ITIH4: variants seen among roughly 807,000 people sequenced by gnomAD.
ITIH4 encodes inter-alpha-trypsin inhibitor heavy chain 4, also known as inter-alpha-trypsin inhibitor heavy chain H4.
ITIH4 carries 79 observed loss-of-function variants against 111.8 expected under a neutral mutation model. The ratio of observed to expected loss-of-function variants is 0.71; its 90% confidence interval spans 0.59 to 0.85. The LOEUF is 0.85. Among genes scored for constraint, ITIH4 ranks in the 40% least tolerant of loss-of-function variants. The pLI is 0.00. For synonymous variants in ITIH4, 472 were observed against 468.3 expected, an observed-to-expected ratio of 1.01 and a Z score of -0.10; for missense variants, 1,065 against 1,195.8, an observed-to-expected ratio of 0.89 and a Z score of 1.61.
Position 52,824,706 on chromosome 3 carries a change from G to A in ITIH4, c.876+136C>T. On this transcript the variant is annotated intron_variant, in intron 7 of 23. Transcript: ENST00000266041. This position sits in a 1 kb window ranked among gnomAD's most constrained non-coding sequence, Gnocchi z 4.3. ...GGAACAGGGGCTGCCCTAGGCTCTG[G>A]CCAACCTTGGTTCCTGAGAGCCACC... The A allele has an allele frequency of 7.9e-7, 1 of 1,260,664 alleles. No individual in the cohort carries two copies. The highest frequency in any genetic ancestry group is 1.1e-6 in the Non-Finnish European group (1 of 901,492). The allele number at this position is 1,260,664 out of a possible 1,614,324, so 78.1% of individuals were successfully genotyped here. A position where few individuals can be genotyped will look rare whatever the true frequency, so the allele number is the denominator to read the frequency against.
intron 13 of ITIH4, 114 bp downstream of exon 13, chr3:52,820,517 G>T: frequency 7.6e-7 from 1 of 1,323,610 alleles, no homozygotes; most frequent in South Asian, 1.4e-5. Context: ...ATCTCCCAGG[G>T]GGAGTCTGTT....
At position 52,825,870 on chromosome 3, in the gene ITIH4, C is replaced by T; in HGVS notation, c.759+16G>A. 6.2e-7 allele frequency: 1 copy of T among 1,611,826 alleles called. No homozygotes were observed. The highest frequency in any genetic ancestry group is 8.5e-7 in the Non-Finnish European group (1 of 1,178,936). On this transcript the variant is annotated intron_variant, in intron 6 of 23. Coordinates refer to ENST00000266041, the MANE Select transcript of ITIH4 (RefSeq NM_002218.5). ...AGACTTCTAGGCTGCTCTGCTCTTG[C>T]CTGAAGTCCACCCACCTGAATGGAG...
At position 52,827,202 on chromosome 3, in the gene ITIH4, G is replaced by C. The variant is rs1287540923; in HGVS notation, c.252-5C>G. 8.1e-6 allele frequency: 13 copies of C among 1,610,734 alleles called. No individual in the cohort carries two copies. The highest frequency in any genetic ancestry group is 1.0e-5 in the Non-Finnish European group (12 of 1,177,132). On this transcript the variant is annotated splice_polypyrimidine_tract_variant and splice_region_variant and intron_variant, in intron 2 of 23. Coordinates refer to ENST00000266041, the MANE Select transcript of ITIH4 (RefSeq NM_002218.5). ...TAGGTCATGCCATCGATGATCCTGG[G>C]GGCAGAAGGGTGGGAGTTGTTGAGA... is the stretch of plus-strand genomic sequence containing the variant.
chr3:52,824,900 T>C lies in ITIH4; in HGVS notation c.818A>G (p.Lys273Arg), dbSNP rs1700458703. 1 of 1,614,012 alleles carries C rather than the reference T, an allele frequency of 6.2e-7. No homozygotes were observed. The highest frequency in any genetic ancestry group is 1.7e-5 in the Admixed American group (1 of 59,992). Reference protein sequence around the residue: ...FAPEGLTTMPKNVVFVIDKSG... With the variant: ...FAPEGLTTMPRNVVFVIDKSG... ...CTTGTCAATGACAAAGACCACATTC[T>C]TGGGCATTGTGGTTAGGCCCTCGGG... Residue 273 changes from lysine (K) to arginine (R), a missense_variant, in exon 7 of 24, where the codon AAG becomes AGG. Transcript: ENST00000266041. This position sits in a 1 kb window ranked among gnomAD's most constrained non-coding sequence, Gnocchi z 4.3.
Position 52,816,944 on chromosome 3 carries a change from G to A in ITIH4, c.2411C>T (p.Thr804Ile). Residue 804 changes from threonine (T) to isoleucine (I), a missense_variant, in exon 21 of 24, where the codon ACT (threonine) becomes ATT (isoleucine). By Grantham distance (89) the Thr-to-Ile change is moderately conservative. Coordinates refer to ENST00000266041, the MANE Select transcript of ITIH4 (RefSeq NM_002218.5). Reference sequence around the variant, plus strand: ...GTACGCAGAGCTTCTTCGGTTCCGAGTCACCACCACGTGTTCAGGGGATGC... The same window carrying A: ...GTACGCAGAGCTTCTTCGGTTCCGAATCACCACCACGTGTTCAGGGGATGC... ...VHASPEHVVV[T>I]RNRRSSAYKW... 6.2e-7 allele frequency: 1 copy of A among 1,614,080 alleles called. No individual in the cohort carries two copies. Among genetic ancestry groups the A allele is most frequent in the Non-Finnish European group, 8.5e-7 (1 of 1,179,972 alleles).
rs1486964213 is a variant in ITIH4, at chr3:52,824,779, C to T, written c.876+63G>A. 1 of 1,401,986 alleles carries T rather than the reference C, an allele frequency of 7.1e-7. No individual in the cohort carries two copies. Among genetic ancestry groups the T allele is most frequent in the East Asian group, 2.3e-5 (1 of 43,558 alleles). The allele number at this position is 1,401,986 out of a possible 1,614,324, so 86.8% of individuals were successfully genotyped here. On this transcript the variant is annotated intron_variant, in intron 7 of 23. Coordinates refer to ENST00000266041, the MANE Select transcript of ITIH4 (RefSeq NM_002218.5). The surrounding 1 kb of genome is among the most constrained non-coding windows in gnomAD (Gnocchi z 4.3). ...AAGCAAGGGGGTCTGCCTGCCGGAC[C>T]ACAGCTGATAGCGTGAAGGGCCTGG...
In ITIH4 at chr3:52,829,194, T is replaced by A. The variant is rs374886762; in HGVS notation, c.176A>T (p.Asn59Ile). 2.5e-6 allele frequency: 4 copies of A among 1,613,774 alleles called. No homozygotes were observed. Among genetic ancestry groups the A allele is most frequent in the Non-Finnish European group, 3.4e-6 (4 of 1,179,814 alleles). Residue 59 changes from asparagine (N) to isoleucine (I), a missense_variant, in exon 2 of 24, where the codon AAT becomes ATT. Asn to Ile is a moderately radical substitution (Grantham distance 149, BLOSUM62 -3). Transcript: ENST00000266041. ...AHTVVTSRVV[N>I]RANTVQEATF... ...GGCCTCCTGCACAGTATTGGCCCTATTGACCACTCGGCTGGTGACGACCGT... is the reference window on the plus strand; with the variant it reads ...GGCCTCCTGCACAGTATTGGCCCTAATGACCACTCGGCTGGTGACGACCGT...
intron 20 of ITIH4, among the ~76,000 whole-genome samples, chr3:52,817,297 C>A (rs1700295493): frequency 1.3e-5 from 2 of 152,334 alleles, no homozygotes; most frequent in Admixed American, 1.3e-4. Context: ...CGACGGCCAC[C>A]CTCAGTTGAG....
chr3:52,817,915 C>T, intron 20 of ITIH4, 137 bp downstream of exon 20: 1 of 746,276 alleles, frequency 1.3e-6, no homozygotes, highest in Non-Finnish European at 2.4e-6. Context: ...CCCATGCCAG[C>T]ACTGGGAGGC....
Position 52,826,893 on chromosome 3 carries a change from C to G in ITIH4, c.417G>C (p.Lys139Asn). The change falls in exon 4 of 24, where the codon AAG (lysine) becomes AAC (asparagine). Residue 139 changes from lysine (K) to asparagine (N), a missense_variant. Physicochemically the swap from Lys to Asn is moderately conservative, Grantham distance 94. Transcript: ENST00000266041. ...CCTCATAGACCAGCTCAAAGGTGATCTTGGCATTGGGAGCCACACTGACCG... is the reference window on the plus strand; with the variant it reads ...CCTCATAGACCAGCTCAAAGGTGATGTTGGCATTGGGAGCCACACTGACCG... ...QVSVSVAPNA[K>N]ITFELVYEEL... 1 of 1,614,132 alleles carries G rather than the reference C, an allele frequency of 6.2e-7. No homozygotes were observed. The highest frequency in any genetic ancestry group is 8.5e-7 in the Non-Finnish European group (1 of 1,180,038).
At chr3:52,817,137 A>C in intron 20 of ITIH4, 79 bp from the exon 21 acceptor site, 1 of 1,250,434 alleles carries the variant, frequency 8.0e-7, no homozygotes, top group African/African-American at 1.5e-5. Flanking sequence ...GTCCCCCCTG[A>C]TCACACCCCC....
In ITIH4 at chr3:52,829,259, G is replaced by A; in HGVS notation, c.111C>T (p.Ser37=). 1 of 1,611,680 alleles carries A rather than the reference G, an allele frequency of 6.2e-7. No individual in the cohort carries two copies. Residue 37 remains serine (S), a synonymous_variant, in exon 2 of 24, where the codon AGC becomes AGT. Transcript: ENST00000266041. ...ATGAGACCCTGGAGTCCACGGTGAG[G>A]CTGTAGATGTCGATGCCATTCTGGA... ...TAEKNGIDIY[S]LTVDSRVSSR...
chr3:52,820,867 C>T, intron 12 of ITIH4, 82 bp from the exon 13 acceptor site: 1 of 1,552,672 alleles, frequency 6.4e-7, no homozygotes, highest in African/African-American at 1.4e-5. Context: ...GGGGAGGTCC[C>T]TCTGGGAGAA....
chr3:52,827,519 C>T (rs552634919), intron 2 of ITIH4, among the ~76,000 whole-genome samples: 29 of 152,338 alleles, frequency 1.9e-4, no homozygotes, highest in African/African-American at 6.3e-4. Flanking sequence ...CCAGTCTGGC[C>T]GAAGCTGGCC....
chr3:52,821,149 C>G lies in ITIH4; in HGVS notation c.1540-19G>C. The G allele has an allele frequency of 1.2e-6, 2 of 1,609,964 alleles. No individual in the cohort carries two copies. Among genetic ancestry groups the G allele is most frequent in the Non-Finnish European group, 1.7e-6 (2 of 1,178,686 alleles). On this transcript the variant is annotated intron_variant, in intron 11 of 23. Coordinates refer to ENST00000266041, the MANE Select transcript of ITIH4 (RefSeq NM_002218.5). ...GTGTAGGCTGGAAAGAGGGGCCCAG[C>G]CAGGGCAGGAGCAGTGAGGGCCGGA...
chr3:52,816,928 G>A lies in ITIH4; in HGVS notation c.2427C>T (p.Ser809=), dbSNP rs771481135. 2.5e-6 allele frequency: 4 copies of A among 1,613,908 alleles called. No individual in the cohort carries two copies. The highest frequency in any genetic ancestry group is 3.4e-6 in the Non-Finnish European group (4 of 1,179,968). The part of the protein sequence containing the change: ...EHVVVTRNRR[S]SAYKWKETLF... ...GCGTCTCCTTCCACTTGTACGCAGA[G>A]CTTCTTCGGTTCCGAGTCACCACCA... Residue 809 remains serine, a synonymous_variant, in exon 21 of 24, where the codon AGC becomes AGT. Transcript: ENST00000266041.
Position 52,824,103 on chromosome 3 carries a change from C to T in ITIH4, c.1171+87G>A. 7 of 1,581,932 alleles carry T rather than the reference C, an allele frequency of 4.4e-6. No individual in the cohort carries two copies. The highest frequency in any genetic ancestry group is 6.0e-6 in the Non-Finnish European group (7 of 1,160,264). ...CGAGGGGCCTCAGTGACCCCCTCTCCCTGCCCAGATCCCACAGCAAGCCCA... is the reference window on the plus strand; with the variant it reads ...CGAGGGGCCTCAGTGACCCCCTCTCTCTGCCCAGATCCCACAGCAAGCCCA... On this transcript the variant is annotated intron_variant, in intron 9 of 23. Transcript: ENST00000266041. The surrounding 1 kb of genome is among the most constrained non-coding windows in gnomAD (Gnocchi z 4.3).
Position 52,819,503 on chromosome 3 carries a change from G to T in ITIH4, c.1967C>A (p.Ser656Tyr). The change falls in exon 17 of 24, where the codon TCC becomes TAC. Residue 656 changes from serine to tyrosine, a missense_variant. Physicochemically the swap from Ser to Tyr is moderately radical, Grantham distance 144. Transcript: ENST00000266041. ...AACCCCAGGTCTGAAATTCATCCGGGAGCCAGCAGCTCCAGCTTTGGAGAA... is the reference window on the plus strand; with the variant it reads ...AACCCCAGGTCTGAAATTCATCCGGTAGCCAGCAGCTCCAGCTTTGGAGAA... ...GWNRQAGAAG[S>Y]RMNFRPGVLS... 6.2e-7 allele frequency: 1 copy of T among 1,614,130 alleles called. No individual in the cohort carries two copies. The highest frequency in any genetic ancestry group is 8.5e-7 in the Non-Finnish European group (1 of 1,180,020).
rs1000744390 is a variant in ITIH4 at position 52,823,416 on chromosome 3, T to A, written c.1539+140A>T. The A allele has an allele frequency of 4.6e-4, 305 of 669,900 alleles. 2 individuals carry two copies. The highest frequency in any genetic ancestry group is 7.0e-4 in the Non-Finnish European group (279 of 397,650). The allele number at this position is 669,900 out of a possible 1,614,324, so 41.5% of individuals were successfully genotyped here. A position where few individuals can be genotyped will look rare whatever the true frequency, so the allele number is the denominator to read the frequency against. ...AGAATCACTCCATTGTCTCATTGAA[T>A]CCCTGCCATGCCCCTGTGTCATCCA... is the stretch of plus-strand genomic sequence containing the variant. On this transcript the variant is annotated intron_variant, in intron 11 of 23. Transcript: ENST00000266041.
Sources: gnomAD v4.1 joint callset for allele counts (sites outside exome capture counted in the v4.1 genomes callset) on GRCh38, gnomAD v4.1.1 for gene constraint, Gnocchi (gnomAD v3.1) non-coding constraint, MANE v1.5 for transcripts, NCBI Gene and HGNC (gene_info 2026-07-23, HGNC 2026-07-21) for gene names.